Variants in SZT2 observed in about 807,000 individuals in gnomAD.
SZT2 encodes the protein SZT2 subunit of KICSTOR complex, also known as KICSTOR complex protein SZT2.
In SZT2, 216 loss-of-function variants were observed where a neutral mutation model predicts 404.2. The observed-to-expected ratio is 0.53, with a 90% confidence interval of 0.48 to 0.60. The LOEUF (loss-of-function observed/expected upper bound fraction) is 0.60, where lower values mean the gene tolerates loss of function less well. Ranked by LOEUF, SZT2 falls within the 20% of genes least tolerant of loss-of-function variation. The probability of loss-of-function intolerance (pLI) is 0.00; values close to 1 mark genes in which losing one functional copy is unlikely to be tolerated. For missense variants in SZT2, 3,857 were observed against 4,459.2 expected, an observed-to-expected ratio of 0.86 and a Z score of 3.85; for synonymous variants, 1,693 against 1,749.9, an observed-to-expected ratio of 0.97 and a Z score of 0.81.
intron 10 of SZT2, 50 bp downstream of exon 10, chr1:43,421,033 G>A (rs761407611): frequency 6.3e-6 from 10 of 1,594,412 alleles, no homozygotes; most frequent in Non-Finnish European, 8.5e-6. Flanking sequence ...TTGTATGGAG[G>A]GACAGATTTG....
Position 43,404,391 on chromosome 1 carries a change from A to G in SZT2, c.339A>G (p.Thr113=). The G allele has an allele frequency of 6.2e-7, 1 of 1,613,118 alleles. No individual in the cohort carries two copies. The highest frequency in any genetic ancestry group is 8.5e-7 in the Non-Finnish European group (1 of 1,179,496). Residue 113 remains threonine, a synonymous_variant, in exon 4 of 72, where the codon ACA becomes ACG. Coordinates refer to ENST00000634258, the MANE Select transcript of SZT2 (RefSeq NM_001365999.1). The part of the protein sequence containing the change: ...SPSTGIVDDS[T]GEILFDEVFH... ...TTCTCTGCCCTCAGGATGATTCCAC[A>G]GGGGAGATCTTGTTTGATGAAGTTT...
intron 4 of SZT2, chr1:43,404,939 AT>A (rs537763837): frequency 2.5e-5 from 4 of 160,252 alleles, no homozygotes; most frequent in Admixed American, 6.5e-5. Context: ...TAGTTTTGTG[AT>A]TTTGAAAGAC....
chr1:43,424,968 C>T lies in SZT2; in HGVS notation c.2550+106C>T, dbSNP rs576836165. On this transcript the variant is annotated intron_variant, in intron 17 of 71. Transcript: ENST00000634258. The surrounding 1 kb of genome is among the most constrained non-coding windows in gnomAD (Gnocchi z 4.1). ...CTGCTGGAAACTGCCTCACAGGGAC[C>T]CTGTGGCCAGAGGATGCTCAAGGTC... is the stretch of plus-strand genomic sequence containing the variant. 157 of 1,493,234 alleles carry T rather than the reference C, an allele frequency of 1.1e-4. No homozygotes were observed. In the South Asian group the frequency reaches 1.8e-3, roughly 17 times the overall value. The allele number at this position is 1,493,234 out of a possible 1,614,324, so 92.5% of individuals were successfully genotyped here.
chr1:43,408,859 G>A (rs1235742036), intron 4 of SZT2, among the ~76,000 whole-genome samples: 1 of 151,978 alleles, frequency 6.6e-6, no homozygotes, highest in Non-Finnish European at 1.5e-5. Context: ...TGGCTCGCCC[G>A]ACCCACTTAT....
chr1:43,435,146 C>T, intron 41 of SZT2, 54 bp from the exon 42 acceptor site: 1 of 1,598,580 alleles, frequency 6.3e-7, no homozygotes, highest in East Asian at 2.2e-5. Context: ...TGACCACCAC[C>T]ACCCACTTAG....
At chr1:43,403,810 T>G in intron 3 of SZT2, 36 bp downstream of exon 3, 1 of 1,605,848 alleles carries the variant, frequency 6.2e-7, no homozygotes, top group South Asian at 1.1e-5. Context: ...GAAGAAAGGA[T>G]GGGGTGGGGT....
In SZT2 at chr1:43,450,368, C is replaced by T; in HGVS notation, c.10187C>T (p.Pro3396Leu). 1.9e-6 allele frequency: 3 copies of T among 1,614,078 alleles called. No individual in the cohort carries two copies. Among genetic ancestry groups the T allele is most frequent in the Non-Finnish European group, 2.5e-6 (3 of 1,179,970 alleles). Residue 3396 changes from proline to leucine, a missense_variant, in exon 72 of 72, where the codon CCA becomes CTA. Physicochemically the swap from Pro to Leu is moderately conservative, Grantham distance 98. This residue lies in a region of SZT2 where 717 missense variants were observed against 868.2 expected (regional missense o/e 0.83). Coordinates refer to ENST00000634258, the MANE Select transcript of SZT2 (RefSeq NM_001365999.1). This position sits in a 1 kb window ranked among gnomAD's most constrained non-coding sequence, Gnocchi z 4.3. ...SLTVVFREPFPVQPQDSESPP... is the reference protein window; with the variant it reads ...SLTVVFREPFLVQPQDSESPP... ...ACAGTGGTTTTCCGAGAGCCCTTCC[C>T]AGTACAGCCCCAGGACAGCGAGAGC...
At chr1:43,431,567 C>T (rs754812238) in intron 35 of SZT2, 44 bp downstream of exon 35, 28 of 1,611,144 alleles carry the variant, frequency 1.7e-5, no homozygotes, top group African/African-American at 8.0e-5. Flanking sequence ...CCCTTTCCAT[C>T]GTATGAGTGA....
In SZT2 at chr1:43,453,047, C is replaced by G; in HGVS notation, c.*2567C>G. On this transcript the variant is annotated 3_prime_UTR_variant, in exon 72 of 72. Transcript: ENST00000634258. ...CATCACTACCTGTAAGCAGCTTTCT[C>G]TGATCCAGACAGGGTTAGGTGCCTA... 1 of 1,245,370 alleles carries G rather than the reference C, an allele frequency of 8.0e-7. No individual in the cohort carries two copies. Among genetic ancestry groups the G allele is most frequent in the Non-Finnish European group, 1.2e-6 (1 of 861,002 alleles). 77.1% of individuals were successfully genotyped at this position (1,245,370 alleles called of 1,614,324 possible). A position where few individuals can be genotyped will look rare whatever the true frequency, so the allele number is the denominator to read the frequency against.
Position 43,445,949 on chromosome 1 carries a change from T to C in SZT2, c.8881T>C (p.Ser2961Pro). The C allele has an allele frequency of 6.2e-7, 1 of 1,614,222 alleles. No homozygotes were observed. The highest frequency in any genetic ancestry group is 8.5e-7 in the Non-Finnish European group (1 of 1,180,040). The change falls in exon 63 of 72, where the codon TCC becomes CCC. Residue 2961 changes from serine to proline, a missense_variant. Transcript: ENST00000634258. The stretch of plus-strand genomic sequence containing the variant: ...TGGAACAGAGGGTCGAGGCTCCTTC[T>C]CCTGCCCTAAAACCAAGACTGATGG... ...ILGTEGRGSF[S>P]CPKTKTDGSP...
In SZT2 at chr1:43,425,894, G is replaced by A. The variant is rs1163023679; in HGVS notation, c.2874G>A (p.Gln958=). The change falls in exon 20 of 72, where the codon CAG becomes CAA. Residue 958 remains glutamine (Q), a synonymous_variant. Transcript: ENST00000634258. The surrounding 1 kb of genome is among the most constrained non-coding windows in gnomAD (Gnocchi z 4.3). ...GSMLSFEYLI[Q]LCQSKEWGPL... is the part of the protein sequence containing the mutation. ...TGCTGAGCTTTGAATACCTGATACA[G>A]CTGTGTCAGAGCAAGGAATGGGGTC... The A allele has an allele frequency of 1.2e-6, 2 of 1,614,004 alleles. No individual in the cohort carries two copies. Among genetic ancestry groups the A allele is most frequent in the Non-Finnish European group, 1.7e-6 (2 of 1,180,018 alleles).
chr1:43,430,582 C>A lies in SZT2; in HGVS notation c.4567C>A (p.Pro1523Thr), dbSNP rs1557566847. Residue 1523 changes from proline to threonine, a missense_variant, in exon 32 of 72, where the codon CCT (proline) becomes ACT (threonine). Transcript: ENST00000634258. ...GGAGAGCCGTGAATCAGACCTGGGG[C>A]CTGCTGGGCTAGACTCTGCCTCGCT... ...YRESRESDLG[P>T]AGLDSASLSD... The A allele has an allele frequency of 6.2e-7, 1 of 1,614,042 alleles. No homozygotes were observed. Among genetic ancestry groups the A allele is most frequent in the Non-Finnish European group, 8.5e-7 (1 of 1,180,046 alleles).
Position 43,453,422 on chromosome 1 carries a change from T to A in SZT2, c.*2942T>A, listed in dbSNP as rs776939158. On this transcript the variant is annotated 3_prime_UTR_variant, in exon 72 of 72. Coordinates refer to ENST00000634258, the MANE Select transcript of SZT2 (RefSeq NM_001365999.1). ...CAGGGCTTTGGCATACCGCACGGCC[T>A]GCTCCAGTCCCTCTCGGAAGGCCGC... 3 of 1,560,704 alleles carry A rather than the reference T, an allele frequency of 1.9e-6. No individual in the cohort carries two copies. In the Admixed American group the frequency reaches 5.5e-5, roughly 29 times the overall value.
In SZT2 at chr1:43,448,002, A is replaced by G; in HGVS notation, c.9563+31A>G. ...CAGATCCCCTACCTTGAACATGCCC[A>G]TTTCCCAGCCTGCCCCACCCTGCCC... On this transcript the variant is annotated intron_variant, in intron 68 of 71. Transcript: ENST00000634258. This position sits in a 1 kb window ranked among gnomAD's most constrained non-coding sequence, Gnocchi z 4.2. The G allele has an allele frequency of 2.5e-6, 4 of 1,612,940 alleles. No individual in the cohort carries two copies. Among genetic ancestry groups the G allele is most frequent in the Non-Finnish European group, 3.4e-6 (4 of 1,179,568 alleles).
chr1:43,437,031 C>T lies in SZT2; in HGVS notation c.6035-140C>T. 1 of 1,168,584 alleles carries T rather than the reference C, an allele frequency of 8.6e-7. No individual in the cohort carries two copies. The highest frequency in any genetic ancestry group is 1.2e-6 in the Non-Finnish European group (1 of 823,018). 72.4% of individuals were successfully genotyped at this position (1,168,584 alleles called of 1,614,324 possible). On this transcript the variant is annotated intron_variant, in intron 42 of 71. Transcript: ENST00000634258. This position sits in a 1 kb window ranked among gnomAD's most constrained non-coding sequence, Gnocchi z 5.3. ...ATCTGCCTGGCCCTGTCGTGTTACC[C>T]AGAATGATCATCATTTCTCTGCAAT... is the stretch of plus-strand genomic sequence containing the variant.
chr1:43,453,134 T>C lies in SZT2; in HGVS notation c.*2654T>C. ...CAAATGCATCACTGTATATATTTACTCTCCTATCTGCCTAGGCAGACTGAG... is the reference window on the plus strand; with the variant it reads ...CAAATGCATCACTGTATATATTTACCCTCCTATCTGCCTAGGCAGACTGAG... On this transcript the variant is annotated 3_prime_UTR_variant, in exon 72 of 72. Coordinates refer to ENST00000634258, the MANE Select transcript of SZT2 (RefSeq NM_001365999.1). 1.4e-6 allele frequency: 1 copy of C among 698,396 alleles called. No homozygotes were observed. Among genetic ancestry groups the C allele is most frequent in the East Asian group, 2.7e-5 (1 of 37,084 alleles). The allele number at this position is 698,396 out of a possible 1,614,324, so 43.3% of individuals were successfully genotyped here. A position where few individuals can be genotyped will look rare whatever the true frequency, so the allele number is the denominator to read the frequency against.
chr1:43,451,868 G>A lies in SZT2; in HGVS notation c.*1388G>A, dbSNP rs544312563. 4 of 1,614,044 alleles carry A rather than the reference G, an allele frequency of 2.5e-6. No homozygotes were observed. In the East Asian group the frequency reaches 6.7e-5, roughly 27 times the overall value. The stretch of plus-strand genomic sequence containing the variant: ...TGCCGCTGTAAGAGAAGCCAGGGAG[G>A]GGACCGTGAGCCTCAAGAGCACAGG... On this transcript the variant is annotated 3_prime_UTR_variant, in exon 72 of 72. Coordinates refer to ENST00000634258, the MANE Select transcript of SZT2 (RefSeq NM_001365999.1).
chr1:43,437,343 G>A lies in SZT2; in HGVS notation c.6187+20G>A, dbSNP rs776299444. On this transcript the variant is annotated intron_variant, in intron 43 of 71. Transcript: ENST00000634258. This position sits in a 1 kb window ranked among gnomAD's most constrained non-coding sequence, Gnocchi z 5.3. ...CTCGGGGTATGTGATTGGCATGAGA[G>A]GGCAGGTGAGCATTGGAAGGATCTG... 2.5e-6 allele frequency: 4 copies of A among 1,614,160 alleles called. No individual in the cohort carries two copies. The highest frequency in any genetic ancestry group is 3.4e-6 in the Non-Finnish European group (4 of 1,180,018).
At position 43,450,245 on chromosome 1, in the gene SZT2, T is replaced by C; in HGVS notation, c.10155+74T>C. ...CCAAATGCTCCACCTCGGAGCCTGCTGAGGTTGGGGTGCCCACCCTTTCTG... is the reference window on the plus strand; with the variant it reads ...CCAAATGCTCCACCTCGGAGCCTGCCGAGGTTGGGGTGCCCACCCTTTCTG... On this transcript the variant is annotated intron_variant, in intron 71 of 71. Transcript: ENST00000634258. The surrounding 1 kb of genome is among the most constrained non-coding windows in gnomAD (Gnocchi z 4.3). The C allele has an allele frequency of 6.2e-7, 1 of 1,613,328 alleles. No homozygotes were observed. Among genetic ancestry groups the C allele is most frequent in the Non-Finnish European group, 8.5e-7 (1 of 1,179,258 alleles).
Sources: allele counts gnomAD v4.1 joint callset (sites outside exome capture counted in the v4.1 genomes callset), GRCh38; gene constraint gnomAD v4.1.1; regional missense constraint gnomAD v4.1.1; non-coding constraint Gnocchi (gnomAD v3.1); transcripts MANE v1.5; gene names NCBI Gene and HGNC (gene_info 2026-07-23, HGNC 2026-07-21).